The following DZIP1L variants were observed in gnomAD, a reference collection of about 807,000 sequenced individuals.
The protein encoded by DZIP1L is cilium assembly protein DZIP1L.
A neutral mutation model predicts 88.7 loss-of-function variants in DZIP1L; 90 were observed. The observed-to-expected ratio is 1.02, with a 90% CI of 0.86 to 1.21. The LOEUF (loss-of-function observed/expected upper bound fraction) is 1.21. Among genes scored for constraint, DZIP1L ranks in the 50% most tolerant of loss-of-function variants. DZIP1L has a pLI of 0.00. For missense variants in DZIP1L, 932 were observed against 955.8 expected (o/e 0.98, Z 0.33); for synonymous variants, 363 against 372.1 (o/e 0.98, Z 0.28).
At chr3:138,069,978 G>A (rs1943102503) in intron 12 of DZIP1L, among the ~76,000 whole-genome samples, 1 of 152,238 alleles carries the variant, frequency 6.6e-6, no homozygotes, top group Admixed American at 6.5e-5. Context: ...CAGGGAAAGG[G>A]AAGGCTGCGA....
chr3:138,066,890 C>T (rs1202717394), intron 14 of DZIP1L, among the ~76,000 whole-genome samples: 1 of 152,158 alleles, frequency 6.6e-6, no homozygotes, highest in Non-Finnish European at 1.5e-5. Context: ...GAAGGAGGGC[C>T]GCTGATCCAG....
chr3:138,071,817 T>G lies in DZIP1L; in HGVS notation c.1441A>C (p.Ile481Leu). 2 of 1,613,662 alleles carry G rather than the reference T, an allele frequency of 1.2e-6. No homozygotes were observed. The highest frequency in any genetic ancestry group is 1.3e-5 in the African/African-American group (1 of 75,036). ...GATTCCAGGTGTCTGAGAGTCTGAATCGAGATTCCCTTTGCATCCTAGAGG... is the reference window on the plus strand; with the variant it reads ...GATTCCAGGTGTCTGAGAGTCTGAAGCGAGATTCCCTTTGCATCCTAGAGG... ...GIRKDAKGISIQTLRHLESLL... is the reference protein window; with the variant it reads ...GIRKDAKGISLQTLRHLESLL... Residue 481 changes from isoleucine to leucine, a missense_variant, in exon 12 of 16, where the codon ATT becomes CTT. Transcript: ENST00000327532.
intron 5 of DZIP1L, 61 bp from the exon 6 acceptor site, chr3:138,088,568 T>C (rs1944060191): frequency 6.4e-7 from 1 of 1,569,086 alleles, no homozygotes; most frequent in Non-Finnish European, 8.6e-7. Context: ...TTGTCTTTTA[T>C]ACCCAGAACA....
intron 2 of DZIP1L, among the ~76,000 whole-genome samples, chr3:138,100,560 G>A (rs1416115128): frequency 6.6e-6 from 1 of 152,154 alleles, no homozygotes; most frequent in East Asian, 1.9e-4. Context: ...ATCTGAAGTG[G>A]GGCCAGTCTT....
intron 7 of DZIP1L, among the ~76,000 whole-genome samples, chr3:138,086,727 A>C (rs558563614): frequency 6.6e-6 from 1 of 152,314 alleles, no homozygotes; most frequent in African/African-American, 2.4e-5. Flanking sequence ...GATGTGTTCG[A>C]TTCAGAGGAG....
At position 138,086,947 on chromosome 3, in the gene DZIP1L, C is replaced by T. The variant is rs750789352; in HGVS notation, c.1062+14G>A. The T allele has an allele frequency of 6.2e-7, 1 of 1,613,096 alleles. No individual in the cohort carries two copies. The highest frequency in any genetic ancestry group is 8.5e-7 in the Non-Finnish European group (1 of 1,179,744). On this transcript the variant is annotated intron_variant, in intron 7 of 15. Transcript: ENST00000327532. ...AGGAAACCAAGCTCCCCGAGATCAC[C>T]CAACAAAAGCTACCTCTTTCTTCTC...
At chr3:138,075,689 T>C (rs532726222) in intron 11 of DZIP1L, among the ~76,000 whole-genome samples, 1 of 152,274 alleles carries the variant, frequency 6.6e-6, no homozygotes, top group East Asian at 1.9e-4. Context: ...ATTAAATGCT[T>C]ACATCAAAAA....
chr3:138,104,325 C>T (rs1324794100), intron 1 of DZIP1L, among the ~76,000 whole-genome samples: 1 of 152,246 alleles, frequency 6.6e-6, no homozygotes, highest in African/African-American at 2.4e-5. Context: ...ACTGTGCAGG[C>T]CTGTGGTGAG....
Position 138,103,511 on chromosome 3 carries a change from T to C in DZIP1L, c.461A>G (p.Gln154Arg), listed in dbSNP as rs778668538. Residue 154 changes from glutamine to arginine, a missense_variant, in exon 2 of 16, where the codon CAG becomes CGG. Gln to Arg is a conservative substitution (Grantham distance 43). Coordinates refer to ENST00000327532, the MANE Select transcript of DZIP1L (RefSeq NM_173543.3). Reference protein sequence around the residue: ...RRRRKMISTLQQLLMQTGTHS... With the variant: ...RRRRKMISTLRQLLMQTGTHS... Reference sequence around the variant, plus strand: ...GGTGCCTGTCTGCATTAGCAGCTGCTGCAGGGTGCTGATCATCTTGCGACG... The same window carrying C: ...GGTGCCTGTCTGCATTAGCAGCTGCCGCAGGGTGCTGATCATCTTGCGACG... 1 of 1,610,048 alleles carries C rather than the reference T, an allele frequency of 6.2e-7. No individual in the cohort carries two copies. Among genetic ancestry groups the C allele is most frequent in the Non-Finnish European group, 8.5e-7 (1 of 1,178,170 alleles).
rs921020777 is a variant in DZIP1L at position 138,063,346 on chromosome 3, C to A, written c.2143-369G>T. Among the ~76,000 whole-genome samples the A allele has an allele frequency of 6.6e-6, 1 of 152,220 alleles. No homozygotes were observed. Among genetic ancestry groups the A allele is most frequent in the Non-Finnish European group, 1.5e-5 (1 of 68,034 alleles). On this transcript the variant is annotated intron_variant, in intron 15 of 15. Coordinates refer to ENST00000327532, the MANE Select transcript of DZIP1L (RefSeq NM_173543.3). This position sits in a 1 kb window ranked among gnomAD's most constrained non-coding sequence, Gnocchi z 4.1. ...CAGAAACTCGACTGTTCCAAGTTCG[C>A]GAGCTGAATGCACTGTGGGCTAATG... is the stretch of plus-strand genomic sequence containing the variant.
Position 138,081,733 on chromosome 3 carries a change from C to A in DZIP1L, c.1234+1G>T, listed in dbSNP as rs1187777135. On this transcript the variant is annotated splice_donor_variant, in intron 9 of 15. Transcript: ENST00000327532. LOFTEE classifies it high-confidence loss of function. The stretch of plus-strand genomic sequence containing the variant: ...ACACACTGCCCTGTGTAGACACTTA[C>A]CTTCCACCTTCCTGAGAGACAAGGA... 3 of 1,613,206 alleles carry A rather than the reference C, an allele frequency of 1.9e-6. No homozygotes were observed. The highest frequency in any genetic ancestry group is 2.5e-6 in the Non-Finnish European group (3 of 1,179,504).
At position 138,063,650 on chromosome 3, in the gene DZIP1L, G is replaced by A. The variant is rs138756009; in HGVS notation, c.2143-673C>T. Among the ~76,000 whole-genome samples, 222 of 152,344 alleles carry A rather than the reference G, an allele frequency of 1.5e-3. No homozygotes were observed. The highest frequency in any genetic ancestry group is 2.7e-3 in the Non-Finnish European group (187 of 68,024). On this transcript the variant is annotated intron_variant, in intron 15 of 15. Coordinates refer to ENST00000327532, the MANE Select transcript of DZIP1L (RefSeq NM_173543.3). The surrounding 1 kb of genome is among the most constrained non-coding windows in gnomAD (Gnocchi z 4.1). The stretch of plus-strand genomic sequence containing the variant: ...GCATCTTCTCCAGGAATGTAAGACC[G>A]ACCAATCAGAACCCATGCAGGGTGC...
chr3:138,080,566 C>A lies in DZIP1L; in HGVS notation c.1288+1G>T. 6.2e-7 allele frequency: 1 copy of A among 1,613,808 alleles called. No homozygotes were observed. The highest frequency in any genetic ancestry group is 8.5e-7 in the Non-Finnish European group (1 of 1,179,738). On this transcript the variant is annotated splice_donor_variant, in intron 10 of 15. Coordinates refer to ENST00000327532, the MANE Select transcript of DZIP1L (RefSeq NM_173543.3). LOFTEE classifies it high-confidence loss of function. Reference sequence around the variant, plus strand: ...ACCCAGGAAAGAAAGTAAGGTCCCACCTTCCTCTGGAGAGTCCTCCTCTGT... The same window carrying A: ...ACCCAGGAAAGAAAGTAAGGTCCCAACTTCCTCTGGAGAGTCCTCCTCTGT...
chr3:138,081,033 C>T (rs1943622198), intron 9 of DZIP1L, among the ~76,000 whole-genome samples: 1 of 152,096 alleles, frequency 6.6e-6, no homozygotes, highest in Non-Finnish European at 1.5e-5. Context: ...CCACAGGGGT[C>T]GGGCCTGTCT....
chr3:138,092,228 G>A (rs1944270758), intron 5 of DZIP1L, 155 bp downstream of exon 5: 2 of 819,248 alleles, frequency 2.4e-6, no homozygotes, highest in Non-Finnish European at 3.5e-6. Flanking sequence ...CAAGGCGTCT[G>A]AAATCTGGGC....
In DZIP1L at chr3:138,104,064, G is replaced by T; in HGVS notation, c.-81-12C>A. 6.6e-7 allele frequency: 1 copy of T among 1,511,502 alleles called. No individual in the cohort carries two copies. Among genetic ancestry groups the T allele is most frequent in the South Asian group, 1.3e-5 (1 of 74,936 alleles). 93.6% of individuals were successfully genotyped at this position (1,511,502 alleles called of 1,614,324 possible). On this transcript the variant is annotated splice_polypyrimidine_tract_variant and intron_variant, in intron 1 of 15. Transcript: ENST00000327532. The stretch of plus-strand genomic sequence containing the variant: ...AGCTGAGAGAAGGCCTGGAAAATAA[G>T]AAGAGAGTCCAAGTTAGGTGAGGTG...
At chr3:138,094,824 T>C (rs763713384) in intron 4 of DZIP1L, 38 bp downstream of exon 4, 9 of 1,613,264 alleles carry the variant, frequency 5.6e-6, no homozygotes, top group South Asian at 1.1e-5. Flanking sequence ...GGGTAGTCCA[T>C]GACCCAAGTC....
intron 1 of DZIP1L, among the ~76,000 whole-genome samples, chr3:138,110,931 T>C (rs1425378033): frequency 6.6e-6 from 1 of 152,112 alleles, no homozygotes; most frequent in Non-Finnish European, 1.5e-5. Flanking sequence ...GCTCCAAAGT[T>C]TTTTTCTCCA....
At chr3:138,091,697 AG>A (rs1380092850) in intron 5 of DZIP1L, among the ~76,000 whole-genome samples, 3 of 26,350 alleles carry the variant, frequency 1.1e-4, no homozygotes, top group Non-Finnish European at 2.7e-4. Flanking sequence ...GGAAGGAAGG[AG>A]AGGGAGAGAG....
Sources: allele counts gnomAD v4.1 joint callset (sites outside exome capture counted in the v4.1 genomes callset), GRCh38; gene constraint gnomAD v4.1.1; non-coding constraint Gnocchi (gnomAD v3.1); transcripts MANE v1.5; gene names NCBI Gene and HGNC (gene_info 2026-07-23, HGNC 2026-07-21).